Variants in TOX observed in about 807,000 individuals in gnomAD.
TOX encodes the protein thymocyte selection associated high mobility group box, also known as thymocyte selection-associated high mobility group box protein TOX.
In TOX, 11 loss-of-function variants were observed where a neutral mutation model predicts 53.7. That is an observed-to-expected ratio of 0.20 (90% confidence interval 0.13 to 0.34). The LOEUF is 0.34. Among genes scored for constraint, TOX ranks in the 10% least tolerant of loss-of-function variants. The pLI, the probability that TOX is intolerant of heterozygous loss-of-function variation, is 1.00. For missense variants in TOX, 570 were observed against 664.6 expected, an observed-to-expected ratio of 0.86 and a Z score of 1.56; for synonymous variants, 225 against 245.3, an observed-to-expected ratio of 0.92 and a Z score of 0.77.
intron 1 of TOX, among the ~76,000 whole-genome samples, chr8:59,067,038 A>T (rs1457860545): frequency 6.6e-6 from 1 of 152,162 alleles, no homozygotes; most frequent in Non-Finnish European, 1.5e-5. Context: ...GTTTTGTGAA[A>T]TACTGAGTTA....
Position 58,909,625 on chromosome 8 carries a change from G to C in TOX, c.411+29677C>G, listed in dbSNP as rs190816780. 7.7e-4 allele frequency among the ~76,000 whole-genome samples: 116 copies of C among 151,622 alleles called. 1 individual carries two copies. The highest frequency in any genetic ancestry group is 1.7e-3 in the South Asian group (8 of 4,782). The stretch of plus-strand genomic sequence containing the variant: ...TGATTTACAAAAATTTAATGTTTGA[G>C]AAGCACTGAATATGTCTCTTAATTC... On this transcript the variant is annotated intron_variant, in intron 3 of 8. Transcript: ENST00000361421.
chr8:58,969,719 C>T (rs1418072946), intron 1 of TOX, among the ~76,000 whole-genome samples: 1 of 152,076 alleles, frequency 6.6e-6, no homozygotes, highest in Non-Finnish European at 1.5e-5. Context: ...GATCATTCTC[C>T]ACTCCTGTTT....
intron 7 of TOX, 81 bp from the exon 8 acceptor site, chr8:58,808,350 G>A: frequency 6.6e-7 from 1 of 1,517,356 alleles, no homozygotes; most frequent in Non-Finnish European, 8.8e-7. Flanking sequence ...TTCATTCTTT[G>A]CAGACACACT....
intron 1 of TOX, among the ~76,000 whole-genome samples, chr8:59,009,667 C>T (rs1031240899): frequency 6.6e-5 from 10 of 152,178 alleles, no homozygotes; most frequent in Admixed American, 5.2e-4. Context: ...CCACCACGCC[C>T]GGCCATCCTC....
intron 1 of TOX, among the ~76,000 whole-genome samples, chr8:59,075,942 T>C (rs1280634780): frequency 6.7e-6 from 1 of 149,450 alleles, no homozygotes; most frequent in Non-Finnish European, 1.5e-5. Context: ...GAGGCGGAGG[T>C]TGCGGTGAGC....
chr8:58,865,451 G>C (rs1040311408), intron 3 of TOX, among the ~76,000 whole-genome samples: 1 of 150,296 alleles, frequency 6.7e-6, no homozygotes, highest in African/African-American at 2.5e-5. Context: ...AATTCTTGTT[G>C]AAAACTGTTC....
chr8:59,042,431 T>C (rs774234385), intron 1 of TOX, among the ~76,000 whole-genome samples: 2 of 152,234 alleles, frequency 1.3e-5, no homozygotes, highest in Non-Finnish European at 1.5e-5. Context: ...GATACCACCT[T>C]TGTATATTAA....
At chr8:58,839,334 T>TACC (rs1810604539) in intron 4 of TOX, among the ~76,000 whole-genome samples, 1 of 152,222 alleles carries the variant, frequency 6.6e-6, no homozygotes, top group African/African-American at 2.4e-5. Context: ...GACTAATGGC[T>TACC]ACCATATCGG....
chr8:58,873,957 G>GTTTTTTTTTTT (rs1585873069), intron 3 of TOX, among the ~76,000 whole-genome samples: 28 of 43,970 alleles, frequency 6.4e-4, no homozygotes, highest in African/African-American at 3.4e-3. Flanking sequence ...ATGCCAGGAA[G>GTTTTTTTTTTT]CTTTTTTTTT....
intron 1 of TOX, among the ~76,000 whole-genome samples, chr8:58,999,666 C>CTT (rs796117458): frequency 1.3e-5 from 2 of 152,136 alleles, no homozygotes; most frequent in African/African-American, 4.8e-5. Flanking sequence ...TAGCAGAACT[C>CTT]TATGTGTGAC....
At chr8:58,843,166 G>T (rs1366841381) in intron 4 of TOX, among the ~76,000 whole-genome samples, 1 of 152,124 alleles carries the variant, frequency 6.6e-6, no homozygotes, top group African/African-American at 2.4e-5. Context: ...ATATTGATCT[G>T]CTTTCAGTCA....
At chr8:59,050,274 G>T (rs984756572) in intron 1 of TOX, among the ~76,000 whole-genome samples, 1 of 152,168 alleles carries the variant, frequency 6.6e-6, no homozygotes, top group Non-Finnish European at 1.5e-5. Context: ...AGTTGACAAA[G>T]CAGCTAGACT....
At chr8:58,966,297 G>A (rs2129179165) in intron 1 of TOX, among the ~76,000 whole-genome samples, 1 of 152,342 alleles carries the variant, frequency 6.6e-6, no homozygotes, top group East Asian at 1.9e-4. Context: ...TGAAAGGAAA[G>A]AGACCAGACT....
chr8:59,029,683 G>A (rs1324630765), intron 1 of TOX, among the ~76,000 whole-genome samples: 1 of 152,150 alleles, frequency 6.6e-6, no homozygotes, highest in South Asian at 2.1e-4. Flanking sequence ...ACCTTTGTTT[G>A]CATTGAAAGA....
In TOX at chr8:58,994,137, G is replaced by A. The variant is rs76084572; in HGVS notation, c.103-34129C>T. 8.0e-3 allele frequency among the ~76,000 whole-genome samples: 1,216 copies of A among 152,294 alleles called. 23 individuals are homozygous for A. Among genetic ancestry groups the A allele is most frequent in the African/African-American group, 0.028 (1,164 of 41,562 alleles). ...CTTTCTTTGCCAGTCGTTCCGTGAAGACTCATATGAAATGATTGTTTGTCA... is the reference window on the plus strand; with the variant it reads ...CTTTCTTTGCCAGTCGTTCCGTGAAAACTCATATGAAATGATTGTTTGTCA... On this transcript the variant is annotated intron_variant, in intron 1 of 8. Coordinates refer to ENST00000361421, the MANE Select transcript of TOX (RefSeq NM_014729.3).
intron 2 of TOX, among the ~76,000 whole-genome samples, chr8:58,956,285 T>C (rs1045511679): frequency 2.0e-5 from 3 of 152,170 alleles, no homozygotes; most frequent in Admixed American, 6.5e-5. Flanking sequence ...TGAAGTTTTA[T>C]CGGGAGATAA....
intron 1 of TOX, among the ~76,000 whole-genome samples, chr8:59,090,492 A>G (rs115073881): frequency 0.018 from 2,805 of 152,276 alleles, 33 homozygotes; most frequent in Middle Eastern, 0.037. Context: ...AGAGAATGCC[A>G]CCTGTTTATT....
chr8:59,043,062 G>C (rs1211050384), intron 1 of TOX, among the ~76,000 whole-genome samples: 1 of 152,020 alleles, frequency 6.6e-6, no homozygotes, highest in Non-Finnish European at 1.5e-5. Context: ...CTGAAACTTT[G>C]TACCCTTTAA....
chr8:59,054,433 T>C (rs921984272), intron 1 of TOX, among the ~76,000 whole-genome samples: 1 of 152,216 alleles, frequency 6.6e-6, no homozygotes, highest in Non-Finnish European at 1.5e-5. Flanking sequence ...TGCCAATCTA[T>C]CCTTAGAGTT....
Sources: allele counts gnomAD v4.1 joint callset (sites outside exome capture counted in the v4.1 genomes callset), GRCh38; gene constraint gnomAD v4.1.1; transcripts MANE v1.5; gene names NCBI Gene and HGNC (gene_info 2026-07-23, HGNC 2026-07-21).